Variants in CNTNAP3 observed in about 807,000 individuals in gnomAD.
The protein encoded by CNTNAP3 is contactin associated protein family member 3.
CNTNAP3 carries 36 observed loss-of-function variants against 92.1 expected under a neutral mutation model. That is an observed-to-expected ratio of 0.39 (90% CI 0.30 to 0.52). The LOEUF is 0.52. Ranked by LOEUF, CNTNAP3 falls within the 20% of genes least tolerant of loss-of-function variation. The probability of loss-of-function intolerance (pLI) is 0.76; values close to 1 mark genes in which losing one functional copy is unlikely to be tolerated. For missense variants in CNTNAP3, 534 were observed against 1,069.6 expected (o/e 0.50, Z 6.98); for synonymous variants, 232 against 422.3 (o/e 0.55, Z 5.53).
chr9:39,071,225 G>A lies in CNTNAP3; in HGVS notation c.*2665C>T, dbSNP rs1825629212. Among the ~76,000 whole-genome samples, 1 of 127,370 alleles carries A rather than the reference G, an allele frequency of 7.9e-6. No individual in the cohort carries two copies. Among genetic ancestry groups the A allele is most frequent in the African/African-American group, 4.5e-5 (1 of 22,024 alleles). 83.6% of individuals were successfully genotyped at this position (127,370 alleles called of 152,430 possible). On this transcript the variant is annotated 3_prime_UTR_variant, in exon 24 of 24. Transcript: ENST00000297668. ...TTTACTGTGACTTTTCACAGTAATA[G>A]AGACAGAGTAATAGAGACACGGGGT... is the stretch of plus-strand genomic sequence containing the variant.
In CNTNAP3 at chr9:39,107,892, A is replaced by C. The variant is rs1206089936; in HGVS notation, c.2365+1268T>G. Among the ~76,000 whole-genome samples, 7 of 152,332 alleles carry C rather than the reference A, an allele frequency of 4.6e-5. No homozygotes were observed. In the East Asian group the frequency reaches 1.3e-3, roughly 29 times the overall value. On this transcript the variant is annotated intron_variant, in intron 15 of 23. Coordinates refer to ENST00000297668, the MANE Select transcript of CNTNAP3 (RefSeq NM_033655.5). ...ATAAGCATATTTCATTTTAGAAAAA[A>C]TTAACAGAATAATTAATGCCAAGGC...
intron 21 of CNTNAP3, among the ~76,000 whole-genome samples, chr9:39,081,903 C>G (rs1825947788): frequency 1.4e-5 from 2 of 139,632 alleles, no homozygotes; most frequent in South Asian, 2.3e-4. Flanking sequence ...ACGGTGAAAC[C>G]CCATCTCTAC....
intron 4 of CNTNAP3, among the ~76,000 whole-genome samples, chr9:39,179,286 T>TCTCTACACAC (rs1491209886): frequency 1.2e-5 from 1 of 80,724 alleles, no homozygotes; most frequent in Non-Finnish European, 2.3e-5. Context: ...TCTCTCTCTC[T>TCTCTACACAC]ACACACACAC....
intron 1 of CNTNAP3, among the ~76,000 whole-genome samples, chr9:39,273,153 TATAAC>T (rs1357368061): frequency 2.9e-5 from 2 of 68,464 alleles, no homozygotes; most frequent in East Asian, 4.9e-4. Flanking sequence ...GTGTTCAACT[TATAAC>T]ATCTTAAAGG....
At chr9:39,081,136 T>C (rs1825923197) in intron 21 of CNTNAP3, among the ~76,000 whole-genome samples, 1 of 151,726 alleles carries the variant, frequency 6.6e-6, no homozygotes, top group African/African-American at 2.4e-5. Context: ...TTGCCCACTC[T>C]GAAGTGTACC....
chr9:39,264,214 GATAAATAAATAAATAAATAA>G (rs1160668948), intron 2 of CNTNAP3, among the ~76,000 whole-genome samples: 1 of 4,910 alleles, frequency 2.0e-4, no homozygotes, highest in Non-Finnish European at 1.1e-3. Context: ...ACTCCATCTC[GATAAATAAATAAATAAATAA>G]ATAAATAAAT....
chr9:39,067,057 CTG>C lies in CNTNAP3; in HGVS notation c.*6831_*6832del, dbSNP rs1329468038. ...ATTATTCTTTGTTTTTTTTCTGTCT[CTG>C]TTTCATTTTGGATGCTTTCTACTGC... is the stretch of plus-strand genomic sequence containing the variant. On this transcript the variant is annotated 3_prime_UTR_variant, in exon 24 of 24. Coordinates refer to ENST00000297668, the MANE Select transcript of CNTNAP3 (RefSeq NM_033655.5). Among the ~76,000 whole-genome samples the C allele has an allele frequency of 1.3e-5, 2 of 152,362 alleles. No homozygotes were observed. Among genetic ancestry groups the C allele is most frequent in the Non-Finnish European group, 2.9e-5 (2 of 68,032 alleles).
rs1400611795 is a variant in CNTNAP3, at chr9:39,260,263, G to T, written c.196+6633C>A. On this transcript the variant is annotated intron_variant, in intron 2 of 23. Coordinates refer to ENST00000297668, the MANE Select transcript of CNTNAP3 (RefSeq NM_033655.5). Reference sequence around the variant, plus strand: ...ATATACTGTGATCTTCATGGAGTAAGGTGTTAATGTAAAAAAATTGATTAT... The same window carrying T: ...ATATACTGTGATCTTCATGGAGTAATGTGTTAATGTAAAAAAATTGATTAT... Among the ~76,000 whole-genome samples the T allele has an allele frequency of 9.1e-5, 2 of 21,898 alleles. 1 individual carries two copies. The highest frequency in any genetic ancestry group is 2.0e-4 in the Non-Finnish European group (2 of 9,796). 14.4% of individuals were successfully genotyped at this position (21,898 alleles called of 152,430 possible).
rs778705300 is a variant in CNTNAP3, at chr9:39,132,984, G to T, written c.2028C>A (p.Cys676Ter). The T allele has an allele frequency of 1.8e-5, 28 of 1,540,564 alleles. No homozygotes were observed. Among genetic ancestry groups the T allele is most frequent in the South Asian group, 4.7e-5 (4 of 84,634 alleles). The change falls in exon 13 of 24, where the codon TGC becomes TGA. Residue 676 changes from cysteine (C) to a stop codon, truncating the protein, a stop_gained. Coordinates refer to ENST00000297668, the MANE Select transcript of CNTNAP3 (RefSeq NM_033655.5). LOFTEE classifies it high-confidence loss of function. ...LRSAVNLAER[C>*]EQRLALRCGT... ...CGCAGCGCAGAGCCAGCCGCTGCTC[G>T]CAGCGCTCCGCCAGGTTCACCGCGG... is the stretch of plus-strand genomic sequence containing the variant.
At position 39,084,193 on chromosome 9, in the gene CNTNAP3, A is replaced by AGTTTTTT. The variant is rs1209035333; in HGVS notation, c.3442+1536_3442+1542dup. On this transcript the variant is annotated intron_variant, in intron 21 of 23. Transcript: ENST00000297668. ...AACTGTTCATAGCAGATGCTCACCA[A>AGTTTTTT]GTTTTTTTTTTTTTTTTTTTTTTGA... 7.7e-5 allele frequency among the ~76,000 whole-genome samples: 10 copies of AGTTTTTT among 130,312 alleles called. 1 individual carries two copies. Among genetic ancestry groups the AGTTTTTT allele is most frequent in the East Asian group, 2.7e-4 (1 of 3,688 alleles). The allele number at this position is 130,312 out of a possible 152,430, so 85.5% of individuals were successfully genotyped here.
At chr9:39,089,686 T>C (rs1340110067) in intron 18 of CNTNAP3, among the ~76,000 whole-genome samples, 1 of 151,678 alleles carries the variant, frequency 6.6e-6, no homozygotes, top group East Asian at 1.9e-4. Context: ...AAACAGCAAT[T>C]ATGAGGGTTT....
Position 39,109,231 on chromosome 9 carries a change from A to G in CNTNAP3, c.2294T>C (p.Val765Ala), listed in dbSNP as rs768829880. 1.9e-6 allele frequency: 3 copies of G among 1,612,854 alleles called. No individual in the cohort carries two copies. Among genetic ancestry groups the G allele is most frequent in the Admixed American group, 1.7e-5 (1 of 60,006 alleles). ...ATGTGGTCGGCCTGCGTCTGTCATC[A>G]CAATCTGAGTGACTGGCAGGTGCTC... ...QKEHLPVTQI[V>A]MTDAGRPHSE... The change falls in exon 15 of 24, where the codon GTG becomes GCG. Residue 765 changes from valine (V) to alanine (A), a missense_variant. Transcript: ENST00000297668.
intron 21 of CNTNAP3, among the ~76,000 whole-genome samples, chr9:39,081,106 T>C (rs1825922344): frequency 6.6e-6 from 1 of 151,704 alleles, no homozygotes; most frequent in Admixed American, 6.6e-5. Flanking sequence ...AGCTGGAAAA[T>C]CTGAAAGAAA....
intron 13 of CNTNAP3, among the ~76,000 whole-genome samples, chr9:39,123,579 C>A (rs575163835): frequency 1.5e-4 from 23 of 151,934 alleles, no homozygotes; most frequent in African/African-American, 5.6e-4. Context: ...AGGTTAAATA[C>A]AAAAAAATCC....
intron 16 of CNTNAP3, among the ~76,000 whole-genome samples, chr9:39,102,965 T>C (rs1310339317): frequency 1.3e-5 from 2 of 152,032 alleles, no homozygotes; most frequent in Admixed American, 6.5e-5. Context: ...TAGAGATATG[T>C]ACCCATAGCT....
intron 15 of CNTNAP3, among the ~76,000 whole-genome samples, chr9:39,104,829 C>T (rs557091250): frequency 7.9e-5 from 12 of 152,236 alleles, no homozygotes; most frequent in East Asian, 1.9e-4. Context: ...CTCAGTGTGT[C>T]GCAGCAGCAG....
chr9:39,084,782 A>C (rs565370293), intron 21 of CNTNAP3, among the ~76,000 whole-genome samples: 1 of 152,216 alleles, frequency 6.6e-6, no homozygotes, highest in Non-Finnish European at 1.5e-5. Flanking sequence ...TTCAAAGTAT[A>C]AAGTGTTTTA....
chr9:39,134,261 C>G (rs974250739), intron 12 of CNTNAP3, among the ~76,000 whole-genome samples: 2 of 151,946 alleles, frequency 1.3e-5, no homozygotes, highest in African/African-American at 4.8e-5. Flanking sequence ...GCCACAAGTA[C>G]AGAAAAAAAT....
intron 19 of CNTNAP3, among the ~76,000 whole-genome samples, chr9:39,088,217 G>GGTTT (rs1298770765): frequency 4.6e-5 from 7 of 151,486 alleles, no homozygotes; most frequent in South Asian, 2.1e-4. Flanking sequence ...TATCAAACAT[G>GGTTT]TAATGGGAGA....
Sources: allele counts gnomAD v4.1 joint callset (sites outside exome capture counted in the v4.1 genomes callset), GRCh38; gene constraint gnomAD v4.1.1; transcripts MANE v1.5; gene names NCBI Gene and HGNC (gene_info 2026-07-23, HGNC 2026-07-21).